Variants in PPARGC1A observed in about 807,000 individuals in gnomAD.
PPARGC1A encodes the protein peroxisome proliferator-activated receptor gamma coactivator 1-alpha.
PPARGC1A carries 25 observed loss-of-function variants against 88.7 expected under a neutral mutation model. The ratio of observed to expected loss-of-function variants is 0.28; its 90% CI spans 0.21 to 0.39. The LOEUF (loss-of-function observed/expected upper bound fraction) is 0.39. Among genes scored for constraint, PPARGC1A ranks in the 10% least tolerant of loss-of-function variants. PPARGC1A has a pLI of 1.00. For missense variants in PPARGC1A, 880 were observed against 968.7 expected (o/e 0.91, Z 1.22); for synonymous variants, 363 against 355.6 (o/e 1.02, Z -0.24).
the PPARGC1A span, among the ~76,000 whole-genome samples, chr4:23,999,710 G>GC: frequency 2.6e-5 from 4 of 152,178 alleles, no homozygotes; most frequent in Admixed American, 2.0e-4. Flanking sequence ...GATATCCTAA[G>GC]CTTATTGAAC....
the PPARGC1A span, among the ~76,000 whole-genome samples, chr4:24,430,301 C>T: frequency 2.1e-5 from 3 of 145,108 alleles, no homozygotes; most frequent in African/African-American, 7.7e-5. Context: ...CTCTGTCTCC[C>T]AGGCTGGAGT....
intron 2 of PPARGC1A, among the ~76,000 whole-genome samples, chr4:23,870,634 G>C (rs1272969724): frequency 6.6e-6 from 1 of 152,116 alleles, no homozygotes; most frequent in Non-Finnish European, 1.5e-5. Context: ...AAGGAAGCAA[G>C]CGTTAAGTGA....
chr4:23,924,898 C>T, the PPARGC1A span, among the ~76,000 whole-genome samples: 2 of 152,286 alleles, frequency 1.3e-5, no homozygotes, highest in African/African-American at 4.8e-5. Context: ...TTCCTACCCC[C>T]ACTTTCCTTT....
the PPARGC1A span, among the ~76,000 whole-genome samples, chr4:24,253,949 C>A: frequency 3.6e-4 from 55 of 152,248 alleles, no homozygotes; most frequent in Non-Finnish European, 5.4e-4. Context: ...CTGGGGATAC[C>A]AATGATGGAC....
chr4:24,132,491 C>T, the PPARGC1A span, among the ~76,000 whole-genome samples: 10 of 152,298 alleles, frequency 6.6e-5, no homozygotes, highest in Admixed American at 5.2e-4. Flanking sequence ...GCTAACAACA[C>T]TGTCACCATC....
At chr4:24,427,008 C>T in the PPARGC1A span, among the ~76,000 whole-genome samples, 1 of 152,214 alleles carries the variant, frequency 6.6e-6, no homozygotes, top group East Asian at 1.9e-4. Flanking sequence ...CGTGAAATGA[C>T]ATATCAATAT....
chr4:24,285,251 TG>T, the PPARGC1A span, among the ~76,000 whole-genome samples: 1 of 152,214 alleles, frequency 6.6e-6, no homozygotes, highest in African/African-American at 2.4e-5. Flanking sequence ...GCATTAAGCC[TG>T]TATCCATCAA....
chr4:23,975,853 T>C, the PPARGC1A span, among the ~76,000 whole-genome samples: 1 of 152,274 alleles, frequency 6.6e-6, no homozygotes, highest in Non-Finnish European at 1.5e-5. Context: ...TAAGAATCTT[T>C]ATTTCTAATT....
At chr4:24,016,056 C>T in the PPARGC1A span, among the ~76,000 whole-genome samples, 1 of 152,244 alleles carries the variant, frequency 6.6e-6, no homozygotes, top group East Asian at 1.9e-4. Context: ...GGTGCTTAGG[C>T]TGCAATAATT....
At chr4:24,025,167 T>C in the PPARGC1A span, among the ~76,000 whole-genome samples, 1 of 152,190 alleles carries the variant, frequency 6.6e-6, no homozygotes, top group African/African-American at 2.4e-5. Flanking sequence ...CTTTCTAAAA[T>C]ATGGTACACC....
chr4:24,346,858 C>T, the PPARGC1A span, among the ~76,000 whole-genome samples: 44 of 151,890 alleles, frequency 2.9e-4, no homozygotes, highest in Non-Finnish European at 5.0e-4. Flanking sequence ...TGAGGTATGA[C>T]CTTAGATTGT....
the PPARGC1A span, among the ~76,000 whole-genome samples, chr4:24,191,374 G>A: frequency 6.6e-6 from 1 of 152,210 alleles, no homozygotes; most frequent in Non-Finnish European, 1.5e-5. Flanking sequence ...GCTCATGGAG[G>A]CGATTCGCAA....
At chr4:23,955,052 C>A in the PPARGC1A span, among the ~76,000 whole-genome samples, 1 of 151,974 alleles carries the variant, frequency 6.6e-6, no homozygotes, top group African/African-American at 2.4e-5. Context: ...CAAACTCTTT[C>A]TTTTAAAGGA....
chr4:24,411,402 G>A, the PPARGC1A span, among the ~76,000 whole-genome samples: 3 of 152,186 alleles, frequency 2.0e-5, no homozygotes, highest in Admixed American at 6.5e-5. Context: ...AAAATAGAGT[G>A]GCAAGTACAG....
At chr4:24,255,802 T>C in the PPARGC1A span, among the ~76,000 whole-genome samples, 4 of 152,254 alleles carry the variant, frequency 2.6e-5, no homozygotes, top group African/African-American at 7.2e-5. Flanking sequence ...AACTTTAAGC[T>C]ATCAGATGAT....
the PPARGC1A span, among the ~76,000 whole-genome samples, chr4:23,924,221 C>G: frequency 3.9e-5 from 6 of 152,250 alleles, no homozygotes; most frequent in African/African-American, 1.4e-4. Flanking sequence ...GCAACCCTCT[C>G]TATGAAAACA....
At chr4:23,960,118 C>T in the PPARGC1A span, among the ~76,000 whole-genome samples, 1 of 152,134 alleles carries the variant, frequency 6.6e-6, no homozygotes, top group South Asian at 2.1e-4. Flanking sequence ...GATTTGAAAT[C>T]CCCTGATAAG....
chr4:24,371,504 C>T, the PPARGC1A span, among the ~76,000 whole-genome samples: 107 of 152,240 alleles, frequency 7.0e-4, no homozygotes, highest in Middle Eastern at 3.4e-3. Context: ...CCCCCAGCCA[C>T]TGTCTTCTCC....
At chr4:24,124,804 G>A in the PPARGC1A span, among the ~76,000 whole-genome samples, 1 of 152,170 alleles carries the variant, frequency 6.6e-6, no homozygotes, top group African/African-American at 2.4e-5. Flanking sequence ...TATGATGGGA[G>A]ATGCTAGAAA....
Sources: allele counts gnomAD v4.1 joint callset (sites outside exome capture counted in the v4.1 genomes callset), GRCh38; gene constraint gnomAD v4.1.1; transcripts MANE v1.5; gene names NCBI Gene and HGNC (gene_info 2026-07-23, HGNC 2026-07-21).